Variants in ROCK1 observed in about 807,000 individuals in gnomAD.
The protein encoded by ROCK1 is rho-associated protein kinase 1.
In ROCK1, 36 loss-of-function variants were observed where a neutral mutation model predicts 196.8. The observed-to-expected ratio is 0.18, with a 90% CI of 0.14 to 0.24. ROCK1 has a LOEUF of 0.24. ROCK1 is among the 10% of genes least tolerant of loss of function. ROCK1 has a pLI of 1.00. For missense variants in ROCK1, 920 were observed against 1,562.0 expected (o/e 0.59, Z 6.93); for synonymous variants, 443 against 515.9 (o/e 0.86, Z 1.91).
At chr18:21,051,189 T>C (rs2036201166) in intron 2 of ROCK1, among the ~76,000 whole-genome samples, 2 of 152,162 alleles carry the variant, frequency 1.3e-5, no homozygotes, top group African/African-American at 4.8e-5. Context: ...GGCTCATGCC[T>C]GTAATCCCAA....
intron 1 of ROCK1, among the ~76,000 whole-genome samples, chr18:21,103,737 C>A (rs2036679280): frequency 2.0e-5 from 3 of 152,076 alleles, no homozygotes; most frequent in Admixed American, 6.6e-5. Flanking sequence ...CCATGCCAGG[C>A]CTATCATAGA....
At position 21,028,845 on chromosome 18, in the gene ROCK1, A is replaced by C; in HGVS notation, c.1142T>G (p.Phe381Cys). ...LEEDKGEEETFPIPKAFVGNQ... is the reference protein window; with the variant it reads ...LEEDKGEEETCPIPKAFVGNQ... ...GCCAACGAAAGCTTTAGGAATAGGG[A>C]ATGTTTCTTCCTCTCCTTTATCTTC... is the stretch of plus-strand genomic sequence containing the variant. Residue 381 changes from phenylalanine to cysteine, a missense_variant, in exon 10 of 33, where the codon TTC (phenylalanine) becomes TGC (cysteine). Physicochemically the swap from Phe to Cys is radical, Grantham distance 205. Transcript: ENST00000399799. 6.2e-7 allele frequency: 1 copy of C among 1,612,694 alleles called. No individual in the cohort carries two copies. The highest frequency in any genetic ancestry group is 8.5e-7 in the Non-Finnish European group (1 of 1,179,522).
chr18:20,971,143 C>A (rs1310951185), intron 22 of ROCK1, among the ~76,000 whole-genome samples: 1 of 152,052 alleles, frequency 6.6e-6, no homozygotes, highest in Non-Finnish European at 1.5e-5. Context: ...TCTCAAAGAG[C>A]CTCTCTTGGA....
At chr18:21,008,456 TAGAG>T (rs1343311985) in intron 13 of ROCK1, among the ~76,000 whole-genome samples, 1 of 152,226 alleles carries the variant, frequency 6.6e-6, no homozygotes, top group Non-Finnish European at 1.5e-5. Flanking sequence ...CTATTTTTGG[TAGAG>T]ACGGCTTTTG....
chr18:21,049,913 C>T, intron 2 of ROCK1, 33 bp from the exon 3 acceptor site: 1 of 1,266,614 alleles, frequency 7.9e-7, no homozygotes, highest in South Asian at 1.3e-5. Context: ...CATTTTAAAT[C>T]ACTAAAGCAT....
intron 21 of ROCK1, among the ~76,000 whole-genome samples, chr18:20,980,682 CA>C (rs2035523412): frequency 4.6e-5 from 7 of 151,976 alleles, no homozygotes; most frequent in Non-Finnish European, 4.4e-5. Flanking sequence ...TTTGGGAGGC[CA>C]AGGCGGGCAG....
chr18:20,958,470 C>T (rs1329751886), intron 29 of ROCK1, among the ~76,000 whole-genome samples: 1 of 151,996 alleles, frequency 6.6e-6, no homozygotes, highest in Non-Finnish European at 1.5e-5. Context: ...ATACATACTA[C>T]ATAATCTATG....
At chr18:20,979,497 C>T (rs1406140543) in intron 22 of ROCK1, among the ~76,000 whole-genome samples, 3 of 151,984 alleles carry the variant, frequency 2.0e-5, no homozygotes, top group Non-Finnish European at 4.4e-5. Flanking sequence ...TGGCGCACGC[C>T]TGTAATCCCA....
In ROCK1 at chr18:21,006,245, T is replaced by C. The variant is rs115111910; in HGVS notation, c.1885+106A>G. The C allele has an allele frequency of 2.8e-3, 2,334 of 839,974 alleles. 35 individuals are homozygous for C. In the African/African-American group the frequency reaches 0.036, roughly 13 times the overall value. 52.0% of individuals were successfully genotyped at this position (839,974 alleles called of 1,614,324 possible). A position where few individuals can be genotyped will look rare whatever the true frequency, so the allele number is the denominator to read the frequency against. On this transcript the variant is annotated intron_variant, in intron 16 of 32. Coordinates refer to ENST00000399799, the MANE Select transcript of ROCK1 (RefSeq NM_005406.3). ...ACTTATATGATGATGGTTGCATACA[T>C]TGTGAACTGCATTTAATCCCACTGA...
intron 13 of ROCK1, among the ~76,000 whole-genome samples, chr18:21,014,859 A>C (rs1467421588): frequency 1.3e-5 from 2 of 152,244 alleles, no homozygotes; most frequent in Non-Finnish European, 2.9e-5. Flanking sequence ...ACTCATAGAC[A>C]CAGTAGAAAT....
At chr18:20,957,781 G>A (rs560865959) in intron 29 of ROCK1, among the ~76,000 whole-genome samples, 123 of 151,562 alleles carry the variant, frequency 8.1e-4, no homozygotes, top group African/African-American at 2.6e-3. Flanking sequence ...ACCACAACTG[G>A]CCCAAGTGAG....
intron 16 of ROCK1, among the ~76,000 whole-genome samples, chr18:20,999,698 CTTAATATTAG>C (rs2035705545): frequency 6.6e-6 from 1 of 152,140 alleles, no homozygotes; most frequent in Non-Finnish European, 1.5e-5. Flanking sequence ...GATTGGAAGA[CTTAATATTAG>C]TTTTGGTTTT....
At chr18:20,970,538 T>C (rs2035416181) in intron 22 of ROCK1, 25 bp from the exon 23 acceptor site, 2 of 1,546,772 alleles carry the variant, frequency 1.3e-6, no homozygotes, top group Non-Finnish European at 1.8e-6. Context: ...TAAGAGAAAC[T>C]GATGTAAACA....
At chr18:21,060,408 T>C (rs1281014120) in intron 2 of ROCK1, among the ~76,000 whole-genome samples, 2 of 152,204 alleles carry the variant, frequency 1.3e-5, no homozygotes, top group African/African-American at 4.8e-5. Context: ...TCATTCATTG[T>C]TGGTGGGAAT....
intron 9 of ROCK1, among the ~76,000 whole-genome samples, chr18:21,035,810 A>G (rs1022694207): frequency 1.3e-5 from 2 of 151,844 alleles, no homozygotes; most frequent in East Asian, 3.9e-4. Context: ...GGTGAAATAA[A>G]CCAGCCACAA....
At chr18:21,078,886 G>A (rs1216186570) in intron 1 of ROCK1, among the ~76,000 whole-genome samples, 4 of 152,042 alleles carry the variant, frequency 2.6e-5, no homozygotes, top group African/African-American at 7.2e-5. Flanking sequence ...GGCTTTCTAG[G>A]GTGCTATCTG....
intron 2 of ROCK1, among the ~76,000 whole-genome samples, chr18:21,054,477 G>A (rs1285659286): frequency 6.6e-6 from 1 of 151,962 alleles, no homozygotes; most frequent in African/African-American, 2.4e-5. Context: ...GCTCTCAAGT[G>A]GGGACCTTTA....
intron 16 of ROCK1, among the ~76,000 whole-genome samples, chr18:20,997,451 T>C (rs1219895761): frequency 6.6e-6 from 1 of 152,130 alleles, no homozygotes; most frequent in South Asian, 2.1e-4. Flanking sequence ...AATATAACAA[T>C]TGTAAATACA....
chr18:21,101,872 CCT>C (rs1491253222), intron 1 of ROCK1, among the ~76,000 whole-genome samples: 9 of 146,422 alleles, frequency 6.1e-5, no homozygotes, highest in African/African-American at 2.5e-4. Context: ...AAGAAAATGT[CCT>C]TTTTTTTTTT....
Sources: gnomAD v4.1 joint callset for allele counts (sites outside exome capture counted in the v4.1 genomes callset) on GRCh38, gnomAD v4.1.1 for gene constraint, MANE v1.5 for transcripts, NCBI Gene and HGNC (gene_info 2026-07-23, HGNC 2026-07-21) for gene names.